WDFY4: variants seen among roughly 807,000 people sequenced by gnomAD.
WDFY4 encodes WDFY family member 4, also known as WD repeat- and FYVE domain-containing protein 4.
In WDFY4, 169 loss-of-function variants were observed where a neutral mutation model predicts 351.9. The ratio of observed to expected loss-of-function variants is 0.48; its 90% CI spans 0.42 to 0.55. WDFY4 has a LOEUF of 0.55. Ranked by LOEUF, WDFY4 falls within the 20% of genes least tolerant of loss-of-function variation. WDFY4 has a pLI of 0.00. For missense variants in WDFY4, 3,803 were observed against 3,935.6 expected (o/e 0.97, Z 0.90); for synonymous variants, 1,622 against 1,574.6 (o/e 1.03, Z -0.71).
intron 20 of WDFY4, among the ~76,000 whole-genome samples, chr10:48,788,184 TG>T (rs1259294516): frequency 2.0e-5 from 3 of 151,760 alleles, no homozygotes; most frequent in African/African-American, 7.3e-5. Context: ...TGCGCCACCA[TG>T]CCCAGCTGAT....
chr10:48,843,661 C>A (rs918340577), intron 39 of WDFY4, among the ~76,000 whole-genome samples: 1 of 152,150 alleles, frequency 6.6e-6, no homozygotes, highest in Non-Finnish European at 1.5e-5. Flanking sequence ...TGGGTTGAAT[C>A]CTTTTGAAAA....
chr10:48,798,089 T>C (rs1163373473), intron 24 of WDFY4, among the ~76,000 whole-genome samples: 1 of 152,184 alleles, frequency 6.6e-6, no homozygotes, highest in Non-Finnish European at 1.5e-5. Flanking sequence ...AGGGAAATAC[T>C]ACATATCAAA....
At chr10:48,815,541 C>T (rs558571281) in intron 31 of WDFY4, among the ~76,000 whole-genome samples, 4 of 152,110 alleles carry the variant, frequency 2.6e-5, no homozygotes, top group Non-Finnish European at 5.9e-5. Context: ...TCACTCTAGC[C>T]TCTGCTTCTC....
At chr10:48,785,558 T>C (rs774361767) in intron 19 of WDFY4, among the ~76,000 whole-genome samples, 39 of 152,230 alleles carry the variant, frequency 2.6e-4, no homozygotes, top group Non-Finnish European at 5.1e-4. Flanking sequence ...CCTGTGGATG[T>C]TCAATTGCTC....
intron 18 of WDFY4, among the ~76,000 whole-genome samples, chr10:48,779,262 C>T (rs1378948007): frequency 6.6e-6 from 1 of 152,232 alleles, no homozygotes; most frequent in Non-Finnish European, 1.5e-5. Flanking sequence ...TATGCTCAAC[C>T]CCAAACCCAG....
At chr10:48,886,526 A>T (rs908801103) in intron 43 of WDFY4, among the ~76,000 whole-genome samples, 3 of 152,194 alleles carry the variant, frequency 2.0e-5, no homozygotes, top group Admixed American at 6.5e-5. Flanking sequence ...GATAAAAAGG[A>T]TAAGTTCAGC....
In WDFY4 at chr10:48,852,790, C is replaced by T. The variant is rs544827955; in HGVS notation, c.6664-14475C>T. 3.3e-5 allele frequency among the ~76,000 whole-genome samples: 5 copies of T among 152,294 alleles called. No individual in the cohort carries two copies. In the East Asian group the frequency reaches 9.6e-4, roughly 29 times the overall value. Reference sequence around the variant, plus strand: ...CTCAGCCGCTTCATGGGCTGTGTGTCCCATCCTTATTTTCTTCCCCTGTAG... The same window carrying T: ...CTCAGCCGCTTCATGGGCTGTGTGTTCCATCCTTATTTTCTTCCCCTGTAG... On this transcript the variant is annotated intron_variant, in intron 39 of 61. Coordinates refer to ENST00000325239, the MANE Select transcript of WDFY4 (RefSeq NM_001394531.1).
chr10:48,724,243 G>T (rs922404862), intron 5 of WDFY4, among the ~76,000 whole-genome samples: 2 of 152,144 alleles, frequency 1.3e-5, no homozygotes, highest in African/African-American at 4.8e-5. Flanking sequence ...GCCCGTCGCT[G>T]TGTGTCCAGT....
chr10:48,742,404 GCA>G (rs2064880109), intron 11 of WDFY4, among the ~76,000 whole-genome samples: 1 of 152,234 alleles, frequency 6.6e-6, no homozygotes, highest in African/African-American at 2.4e-5. Context: ...AGCCGTGCTT[GCA>G]CAGAGAGGGA....
intron 39 of WDFY4, among the ~76,000 whole-genome samples, chr10:48,843,778 T>C (rs1196346144): frequency 1.3e-5 from 2 of 152,208 alleles, no homozygotes; most frequent in Non-Finnish European, 2.9e-5. Flanking sequence ...TTCTGAAAAT[T>C]AGAGTAGTGG....
At chr10:48,960,121 C>T (rs1841792284) in intron 53 of WDFY4, among the ~76,000 whole-genome samples, 1 of 152,192 alleles carries the variant, frequency 6.6e-6, no homozygotes, top group Admixed American at 6.5e-5. Flanking sequence ...ACATCCACTC[C>T]CTGGGCCTGA....
chr10:48,850,247 A>G (rs969192009), intron 39 of WDFY4, among the ~76,000 whole-genome samples: 8 of 152,330 alleles, frequency 5.3e-5, no homozygotes, highest in African/African-American at 1.4e-4. Context: ...GGTGTGAGCA[A>G]TTAAGCTCCA....
Position 48,788,595 on chromosome 10 carries a change from A to T in WDFY4, c.3874A>T (p.Ile1292Leu). The T allele has an allele frequency of 1.3e-6, 2 of 1,551,872 alleles. No individual in the cohort carries two copies. The highest frequency in any genetic ancestry group is 2.4e-5 in the East Asian group (1 of 40,928). The change falls in exon 21 of 62, where the codon ATA becomes TTA. Residue 1292 changes from isoleucine to leucine, a missense_variant. Ile to Leu is a conservative substitution (Grantham distance 5, BLOSUM62 2). Coordinates refer to ENST00000325239, the MANE Select transcript of WDFY4 (RefSeq NM_001394531.1). ...AGAAAGAGTTTCTTTTGGACTTCAC[A>T]TAGCCAGCTCCTCTATCACCAGTGT... ...AEERVSFGLH[I>L]ASSSITSVAD...
At chr10:48,836,075 C>T (rs892228770) in intron 39 of WDFY4, among the ~76,000 whole-genome samples, 1 of 152,186 alleles carries the variant, frequency 6.6e-6, no homozygotes. Context: ...ATGCCTTTGT[C>T]GCTAACAGAA....
chr10:48,918,397 T>C (rs1239387799), intron 47 of WDFY4, among the ~76,000 whole-genome samples: 1 of 152,160 alleles, frequency 6.6e-6, no homozygotes, highest in African/African-American at 2.4e-5. Context: ...AGACATACCA[T>C]GCAAACACTA....
At chr10:48,829,007 T>G in intron 37 of WDFY4, 111 bp downstream of exon 37, 1 of 640,388 alleles carries the variant, frequency 1.6e-6, no homozygotes, top group Non-Finnish European at 2.6e-6. Flanking sequence ...CTTCCCGAAA[T>G]AAGAAAGCAG....
chr10:48,809,104 G>A (rs1037269506), intron 28 of WDFY4, among the ~76,000 whole-genome samples: 4 of 151,986 alleles, frequency 2.6e-5, no homozygotes, highest in African/African-American at 7.3e-5. Context: ...TTCTCTGTAA[G>A]CTAATTGCTA....
intron 19 of WDFY4, among the ~76,000 whole-genome samples, chr10:48,782,571 A>C (rs2066263824): frequency 6.6e-6 from 1 of 152,260 alleles, no homozygotes; most frequent in Non-Finnish European, 1.5e-5. Context: ...CAAGACTGAC[A>C]GAGTGCGCTT....
intron 45 of WDFY4, among the ~76,000 whole-genome samples, chr10:48,897,956 T>A (rs948892724): frequency 1.3e-5 from 2 of 152,164 alleles, no homozygotes; most frequent in Non-Finnish European, 2.9e-5. Context: ...TTCTGCCCTG[T>A]CCTGCCCACA....
Sources: allele counts gnomAD v4.1 joint callset (sites outside exome capture counted in the v4.1 genomes callset), GRCh38; gene constraint gnomAD v4.1.1; transcripts MANE v1.5; gene names NCBI Gene and HGNC (gene_info 2026-07-23, HGNC 2026-07-21).